Variants in ANO5 observed in about 807,000 individuals in gnomAD.
ANO5 encodes anoctamin 5, also known as anoctamin-5.
ANO5 carries 109 observed loss-of-function variants against 121.0 expected under a neutral mutation model. The ratio of observed to expected loss-of-function variants is 0.90; its 90% CI spans 0.77 to 1.06. The LOEUF (loss-of-function observed/expected upper bound fraction) is 1.06. Ranked by LOEUF, ANO5 falls within the 50% of genes least tolerant of loss-of-function variation. The probability of loss-of-function intolerance (pLI) is 0.00; values close to 1 mark genes in which losing one functional copy is unlikely to be tolerated. For synonymous variants in ANO5, 406 were observed against 359.9 expected, an observed-to-expected ratio of 1.13 and a Z score of -1.45; for missense variants, 1,064 against 1,078.5, an observed-to-expected ratio of 0.99 and a Z score of 0.19.
chr11:22,237,180 T>G (rs1181633859), intron 8 of ANO5, among the ~76,000 whole-genome samples: 5 of 152,198 alleles, frequency 3.3e-5, no homozygotes, highest in Admixed American at 2.0e-4. Flanking sequence ...AAAAGACTTT[T>G]TGGTGATGTA....
chr11:22,212,197 G>T (rs1290300448), intron 3 of ANO5, among the ~76,000 whole-genome samples: 1 of 151,772 alleles, frequency 6.6e-6, no homozygotes, highest in African/African-American at 2.4e-5. Context: ...TAAACCCTTG[G>T]AAGGGGTAGA....
At chr11:22,279,523 T>G in intron 21 of ANO5, 21 bp from the exon 22 acceptor site, 1 of 1,589,976 alleles carries the variant, frequency 6.3e-7, no homozygotes, top group Non-Finnish European at 8.6e-7. Context: ...GCGTCTAATC[T>G]TTCCTTTATA....
chr11:22,230,118 G>T (rs1852990103), intron 7 of ANO5, among the ~76,000 whole-genome samples: 1 of 151,754 alleles, frequency 6.6e-6, no homozygotes, highest in South Asian at 2.1e-4. Flanking sequence ...ATGATTATGT[G>T]TTTACACCTT....
chr11:22,279,426 G>A (rs1022934542), intron 21 of ANO5, 118 bp from the exon 22 acceptor site: 12 of 811,310 alleles, frequency 1.5e-5, no homozygotes, highest in Non-Finnish European at 2.5e-5. Context: ...CTTCTTCCTT[G>A]CCTTTCTACC....
At position 22,250,350 on chromosome 11, in the gene ANO5, C is replaced by G; in HGVS notation, c.992C>G (p.Ser331Ter). The G allele has an allele frequency of 6.2e-7, 1 of 1,613,502 alleles. No homozygotes were observed. The highest frequency in any genetic ancestry group is 8.5e-7 in the Non-Finnish European group (1 of 1,179,692). The change falls in exon 10 of 22, where the codon TCA becomes TGA. Residue 331 changes from serine (S) to a stop codon, truncating the protein, a stop_gained. Transcript: ENST00000324559. LOFTEE classifies it high-confidence loss of function. ...GLACFIYGLL[S>*]MEHNTSSTEI... ...GCTTGTTTTATTTATGGCTTATTAT[C>G]AATGGAACATAACACAAGCAGGTAA...
chr11:22,250,336 T>A lies in ANO5; in HGVS notation c.978T>A (p.Ile326=). 1 of 1,613,540 alleles carries A rather than the reference T, an allele frequency of 6.2e-7. No individual in the cohort carries two copies. The highest frequency in any genetic ancestry group is 1.1e-5 in the South Asian group (1 of 91,052). ...CTGTAGTTGGCTTAGCTTGTTTTAT[T>A]TATGGCTTATTATCAATGGAACATA... The part of the protein sequence containing the change: ...FAAVVGLACF[I]YGLLSMEHNT... The change falls in exon 10 of 22, where the codon ATT becomes ATA. Residue 326 remains isoleucine, a synonymous_variant. Coordinates refer to ENST00000324559, the MANE Select transcript of ANO5 (RefSeq NM_213599.3).
chr11:22,272,301 GGCACAC>G (rs1854646714), intron 18 of ANO5, among the ~76,000 whole-genome samples: 1 of 41,470 alleles, frequency 2.4e-5, no homozygotes, highest in Non-Finnish European at 4.8e-5. Flanking sequence ...TTCCTTTTCC[GGCACAC>G]ACACACACAC....
chr11:22,219,104 A>G (rs995780660), intron 4 of ANO5, among the ~76,000 whole-genome samples: 25 of 152,100 alleles, frequency 1.6e-4, no homozygotes, highest in Non-Finnish European at 2.6e-4. Context: ...ACCTTAACTG[A>G]TTTTTATTAG....
chr11:22,272,816 G>C lies in ANO5; in HGVS notation c.2062G>C (p.Ala688Pro). 1 of 1,613,940 alleles carries C rather than the reference G, an allele frequency of 6.2e-7. No homozygotes were observed. Among genetic ancestry groups the C allele is most frequent in the African/African-American group, 1.3e-5 (1 of 74,962 alleles). Residue 688 changes from alanine to proline, a missense_variant, in exon 19 of 22, where the codon GCC becomes CCC. Transcript: ENST00000324559. Reference protein sequence around the residue: ...TQFGFVTLFVASFPLAPLLAL... With the variant: ...TQFGFVTLFVPSFPLAPLLAL... ...ATTTGGATTTGTTACACTATTTGTG[G>C]CCTCTTTTCCTTTGGCTCCTCTTCT...
In ANO5 at chr11:22,279,705, A is replaced by T. The variant is rs1437290055; in HGVS notation, c.2682A>T (p.Glu894Asp). 2 of 1,612,834 alleles carry T rather than the reference A, an allele frequency of 1.2e-6. No individual in the cohort carries two copies. The highest frequency in any genetic ancestry group is 3.3e-5 in the Admixed American group (2 of 59,886). The stretch of plus-strand genomic sequence containing the variant: ...AGAACTTGGGAATTAATTCTAATGA[A>T]TTTGCCAAGCATGTCATGATTGAGG... ...LKENLGINSN[E>D]FAKHVMIEEN... The change falls in exon 22 of 22, where the codon GAA becomes GAT. Residue 894 changes from glutamate to aspartate, a missense_variant. By Grantham distance (45) the Glu-to-Asp change is conservative. Coordinates refer to ENST00000324559, the MANE Select transcript of ANO5 (RefSeq NM_213599.3).
chr11:22,210,897 G>T (rs1852256249), intron 2 of ANO5, among the ~76,000 whole-genome samples: 1 of 151,858 alleles, frequency 6.6e-6, no homozygotes, highest in African/African-American at 2.4e-5. Flanking sequence ...ATCATAAAAA[G>T]ATTAGACCTC....
intron 21 of ANO5, among the ~76,000 whole-genome samples, chr11:22,276,860 G>A (rs1458093511): frequency 2.0e-5 from 3 of 151,148 alleles, no homozygotes; most frequent in Admixed American, 6.6e-5. Context: ...TTTCACCCTG[G>A]AATAAAGCCC....
At chr11:22,276,251 A>T (rs367588745) in intron 21 of ANO5, 52 bp downstream of exon 21, 1 of 1,402,890 alleles carries the variant, frequency 7.1e-7, no homozygotes, top group African/African-American at 1.4e-5. Context: ...CTTTAGGCAG[A>T]TATTTCTAAA....
chr11:22,203,201 A>G (rs1257295508), intron 1 of ANO5, among the ~76,000 whole-genome samples: 1 of 152,274 alleles, frequency 6.6e-6, no homozygotes, highest in East Asian at 1.9e-4. Flanking sequence ...TGACTTAAAT[A>G]TATCTTAGGG....
chr11:22,230,982 G>A (rs917979894), intron 7 of ANO5, among the ~76,000 whole-genome samples: 5 of 151,758 alleles, frequency 3.3e-5, no homozygotes, highest in Admixed American at 6.6e-5. Flanking sequence ...CCGTGCTTTT[G>A]CTACTCTCTA....
chr11:22,270,598 T>A (rs547510675), intron 18 of ANO5, among the ~76,000 whole-genome samples, 156 bp downstream of exon 18: 2 of 152,308 alleles, frequency 1.3e-5, no homozygotes, highest in South Asian at 4.1e-4. Flanking sequence ...GAAAATTTGT[T>A]CCCTATTTCC....
chr11:22,274,906 A>C (rs1033613047), intron 20 of ANO5, among the ~76,000 whole-genome samples, 159 bp downstream of exon 20: 2 of 152,086 alleles, frequency 1.3e-5, no homozygotes, highest in African/African-American at 4.8e-5. Flanking sequence ...CACACATTGC[A>C]TGATTCAGAT....
chr11:22,263,182 A>C, intron 17 of ANO5, 139 bp downstream of exon 17: 1 of 672,994 alleles, frequency 1.5e-6, no homozygotes, highest in Non-Finnish European at 2.6e-6. Context: ...TTTTTAATCA[A>C]CAGTGAAGGT....
At chr11:22,245,786 TA>T (rs1314786785) in intron 9 of ANO5, among the ~76,000 whole-genome samples, 1 of 152,184 alleles carries the variant, frequency 6.6e-6, no homozygotes, top group Non-Finnish European at 1.5e-5. Context: ...TCTGCAGTGT[TA>T]AAAATGTCAT....
Sources: gnomAD v4.1 joint callset for allele counts (sites outside exome capture counted in the v4.1 genomes callset) on GRCh38, gnomAD v4.1.1 for gene constraint, MANE v1.5 for transcripts, NCBI Gene and HGNC (gene_info 2026-07-23, HGNC 2026-07-21) for gene names.